Variants in PLXNA4 observed in about 807,000 individuals in gnomAD.
PLXNA4 encodes the protein plexin A4, also known as plexin-A4.
In PLXNA4, 44 loss-of-function variants were observed where a neutral mutation model predicts 191.8. The ratio of observed to expected loss-of-function variants is 0.23; its 90% confidence interval spans 0.18 to 0.29. The LOEUF is 0.29. PLXNA4 is among the 10% of genes least tolerant of loss of function. The probability of loss-of-function intolerance (pLI) is 1.00; values close to 1 mark genes in which losing one functional copy is unlikely to be tolerated. For missense variants in PLXNA4, 1,800 were observed against 2,488.8 expected, an observed-to-expected ratio of 0.72 and a Z score of 5.89; for synonymous variants, 1,082 against 1,009.5, an observed-to-expected ratio of 1.07 and a Z score of -1.36.
chr7:132,135,805 T>C (rs889745028), intron 30 of PLXNA4, among the ~76,000 whole-genome samples: 7 of 152,162 alleles, frequency 4.6e-5, no homozygotes, highest in Non-Finnish European at 1.0e-4. Context: ...TCATCCTCTC[T>C]CTCAGGTCAG....
At chr7:132,320,999 G>C (rs1235650149) in intron 3 of PLXNA4, among the ~76,000 whole-genome samples, 1 of 152,068 alleles carries the variant, frequency 6.6e-6, no homozygotes, top group Non-Finnish European at 1.5e-5. Flanking sequence ...CTGTTTTTCT[G>C]CCCTCCGGTT....
chr7:132,303,339 G>C (rs1267043736), intron 3 of PLXNA4, among the ~76,000 whole-genome samples: 1 of 151,036 alleles, frequency 6.6e-6, no homozygotes, highest in African/African-American at 2.4e-5. Flanking sequence ...GGGAAGCCGA[G>C]GTGGGCGGAT....
intron 2 of PLXNA4, among the ~76,000 whole-genome samples, chr7:132,614,214 T>C (rs1803108206): frequency 6.6e-6 from 1 of 152,262 alleles, no homozygotes; most frequent in African/African-American, 2.4e-5. Flanking sequence ...ATATCCAAAA[T>C]GTTATTCCAA....
intron 3 of PLXNA4, among the ~76,000 whole-genome samples, chr7:132,396,078 G>A (rs1793743840): frequency 6.6e-6 from 1 of 152,154 alleles, no homozygotes; most frequent in Non-Finnish European, 1.5e-5. Context: ...TAGGGGTAAG[G>A]CAAATGTACC....
At chr7:132,205,646 G>C (rs1797592347) in intron 10 of PLXNA4, among the ~76,000 whole-genome samples, 2 of 152,140 alleles carry the variant, frequency 1.3e-5, no homozygotes, top group Non-Finnish European at 2.9e-5. Context: ...CAGGCTTCAA[G>C]CTGCTGCCTG....
At chr7:132,184,385 C>T (rs1013368920) in intron 16 of PLXNA4, among the ~76,000 whole-genome samples, 13 of 152,366 alleles carry the variant, frequency 8.5e-5, no homozygotes, top group South Asian at 6.2e-4. Context: ...ACCCTTCCCA[C>T]GCTGCCCCTG....
At chr7:132,281,438 G>T (rs866144541) in intron 4 of PLXNA4, among the ~76,000 whole-genome samples, 1 of 152,068 alleles carries the variant, frequency 6.6e-6, no homozygotes, top group Non-Finnish European at 1.5e-5. Flanking sequence ...TTTAACAAAG[G>T]GGTCAAAATT....
At chr7:132,604,148 CG>C (rs1328064199) in intron 2 of PLXNA4, among the ~76,000 whole-genome samples, 47 of 152,084 alleles carry the variant, frequency 3.1e-4, no homozygotes, top group Middle Eastern at 3.4e-3. Flanking sequence ...TGTGTTCTGG[CG>C]GGGGGCACCT....
chr7:132,522,877 G>A (rs747085128), intron 1 of PLXNA4, among the ~76,000 whole-genome samples: 1 of 152,176 alleles, frequency 6.6e-6, no homozygotes, highest in Non-Finnish European at 1.5e-5. Flanking sequence ...CATGATAAAT[G>A]CACAGATGTT....
chr7:132,341,434 G>T (rs1351806137), intron 3 of PLXNA4, among the ~76,000 whole-genome samples: 2 of 152,218 alleles, frequency 1.3e-5, no homozygotes, highest in Non-Finnish European at 2.9e-5. Flanking sequence ...AGGGAAAAAT[G>T]TGTCTTAGAA....
rs769145487 is a variant in PLXNA4 at position 132,164,202 on chromosome 7, C to T, written c.4440G>A (p.Glu1480=). 4 of 1,614,262 alleles carry T rather than the reference C, an allele frequency of 2.5e-6. No homozygotes were observed. In the South Asian group the frequency reaches 3.3e-5, roughly 13 times the overall value. Residue 1480 remains glutamate, a synonymous_variant, in exon 24 of 32, where the codon GAG becomes GAA. Transcript: ENST00000321063. ...EKGPIDAITG[E]ARYSLSEDKL... ...TGTCCTCGCTCAAGGAGTAGCGGGC[C>T]TCGCCCGTGATGGCGTCAATGGGGC...
chr7:132,565,236 A>G (rs1026049570), intron 1 of PLXNA4, among the ~76,000 whole-genome samples: 3 of 152,218 alleles, frequency 2.0e-5, no homozygotes, highest in African/African-American at 7.2e-5. Context: ...TCCTGGCTTT[A>G]AAGAGGAGAA....
chr7:132,170,845 T>C (rs927509442), intron 21 of PLXNA4, among the ~76,000 whole-genome samples: 6 of 152,210 alleles, frequency 3.9e-5, no homozygotes, highest in African/African-American at 1.2e-4. Context: ...CATTTTCATT[T>C]CTCTCACTGT....
chr7:132,563,013 T>C (rs866143863), intron 1 of PLXNA4, among the ~76,000 whole-genome samples: 46 of 29,160 alleles, frequency 1.6e-3, no homozygotes, highest in South Asian at 3.0e-3. Flanking sequence ...TCTCCTCCTC[T>C]TTCTCTTCCT....
chr7:132,489,813 C>G (rs1007131672), intron 2 of PLXNA4, among the ~76,000 whole-genome samples: 1 of 152,112 alleles, frequency 6.6e-6, no homozygotes, highest in African/African-American at 2.4e-5. Context: ...AAAAGCCTCA[C>G]GTGGAAAAGC....
chr7:132,451,395 C>T (rs938590605), intron 3 of PLXNA4, among the ~76,000 whole-genome samples: 1 of 152,134 alleles, frequency 6.6e-6, no homozygotes, highest in African/African-American at 2.4e-5. Context: ...ATCAGTATCC[C>T]CTTCACCACC....
intron 2 of PLXNA4, among the ~76,000 whole-genome samples, chr7:132,640,724 C>G (rs1343177480): frequency 6.6e-6 from 1 of 150,532 alleles, no homozygotes; most frequent in Non-Finnish European, 1.5e-5. Context: ...CATGTTTCAT[C>G]AAATCCAGGA....
intron 4 of PLXNA4, among the ~76,000 whole-genome samples, chr7:132,292,096 C>A (rs1800914602): frequency 6.6e-6 from 1 of 152,170 alleles, no homozygotes; most frequent in Non-Finnish European, 1.5e-5. Flanking sequence ...CACTCAGCCC[C>A]CAGGAAAGTT....
intron 3 of PLXNA4, among the ~76,000 whole-genome samples, chr7:132,387,984 C>T (rs1168670521): frequency 6.6e-6 from 1 of 152,088 alleles, no homozygotes; most frequent in Non-Finnish European, 1.5e-5. Flanking sequence ...CGCGGCATGT[C>T]TCTGCTTCTG....
Sources: gnomAD v4.1 joint callset for allele counts (sites outside exome capture counted in the v4.1 genomes callset) on GRCh38, gnomAD v4.1.1 for gene constraint, MANE v1.5 for transcripts, NCBI Gene and HGNC (gene_info 2026-07-23, HGNC 2026-07-21) for gene names.